MTMR2: variants seen among roughly 807,000 people sequenced by gnomAD.
MTMR2 encodes myotubularin related protein 2, also known as phosphatidylinositol-3,5-bisphosphate 3-phosphatase MTMR2.
A neutral mutation model predicts 86.9 loss-of-function variants in MTMR2; 55 were observed. The observed-to-expected ratio is 0.63, with a 90% CI of 0.51 to 0.79. The LOEUF is 0.79. MTMR2 is among the 30% of genes least tolerant of loss of function. The pLI, the probability that MTMR2 is intolerant of heterozygous loss-of-function variation, is 0.00. For missense variants in MTMR2, 659 were observed against 772.3 expected (o/e 0.85, Z 1.74); for synonymous variants, 241 against 266.8 (o/e 0.90, Z 0.94).
intron 2 of MTMR2, among the ~76,000 whole-genome samples, chr11:95,880,821 GGGTA>G (rs1485188507): frequency 6.6e-5 from 10 of 151,942 alleles, no homozygotes; most frequent in African/African-American, 2.4e-4. Context: ...TTGCATATTT[GGGTA>G]CTAATCTTTT....
At chr11:95,903,591 ACT>A (rs1866152564) in intron 1 of MTMR2, among the ~76,000 whole-genome samples, 1 of 151,802 alleles carries the variant, frequency 6.6e-6, no homozygotes, top group Non-Finnish European at 1.5e-5. Flanking sequence ...TAGTTCATAC[ACT>A]CTCTCATTCT....
chr11:95,915,125 ATGT>A lies in MTMR2; in HGVS notation c.80+8747_80+8749del, dbSNP rs530151583. Among the ~76,000 whole-genome samples, 58 of 152,306 alleles carry A rather than the reference ATGT, an allele frequency of 3.8e-4. No homozygotes were observed. In the East Asian group the frequency reaches 9.4e-3, roughly 25 times the overall value. ...CAATGCCTTTGGTTATGATAAAAGAATGTTGTTATCTAATATTGGTAACAGAGA... is the reference window on the plus strand; with the variant it reads ...CAATGCCTTTGGTTATGATAAAAGAATGTTATCTAATATTGGTAACAGAGA... On this transcript the variant is annotated intron_variant, in intron 1 of 14. Coordinates refer to ENST00000346299, the MANE Select transcript of MTMR2 (RefSeq NM_016156.6).
chr11:95,862,106 A>G lies in MTMR2; in HGVS notation c.358-4T>C. On this transcript the variant is annotated splice_polypyrimidine_tract_variant and splice_region_variant and intron_variant, in intron 4 of 14. Transcript: ENST00000346299. ...CATCTAAAACAAATGGGGGATCCTA[A>G]AGAAGGAAAGAAAAAATAATTAAAA... 9 of 1,585,728 alleles carry G rather than the reference A, an allele frequency of 5.7e-6. No homozygotes were observed. Among genetic ancestry groups the G allele is most frequent in the Non-Finnish European group, 7.8e-6 (9 of 1,157,058 alleles).
At chr11:95,896,264 A>G (rs1184621314) in intron 1 of MTMR2, among the ~76,000 whole-genome samples, 1 of 151,212 alleles carries the variant, frequency 6.6e-6, no homozygotes, top group Non-Finnish European at 1.5e-5. Context: ...ACTTACAACC[A>G]GTCTCTTCTT....
At chr11:95,865,501 G>A (rs559519066) in intron 3 of MTMR2, 100 bp downstream of exon 3, 34 of 1,077,346 alleles carry the variant, frequency 3.2e-5, no homozygotes, top group Admixed American at 2.9e-4. Flanking sequence ...CAGACAGGAG[G>A]TGTCTCTGAC....
chr11:95,856,346 A>G (rs200494287), intron 7 of MTMR2, among the ~76,000 whole-genome samples: 1 of 126,222 alleles, frequency 7.9e-6, no homozygotes, highest in Non-Finnish European at 1.7e-5. Context: ...TTTTTTTTTT[A>G]TTTAAAGGGG....
rs775843199 is a variant in MTMR2, at chr11:95,847,685, T to G, written c.1179+29A>C. Reference sequence around the variant, plus strand: ...ATAAACAAAGGGGTAGAGAGAGTCTTTGTTTGGGATATAGTAACACACACC... The same window carrying G: ...ATAAACAAAGGGGTAGAGAGAGTCTGTGTTTGGGATATAGTAACACACACC... On this transcript the variant is annotated intron_variant, in intron 10 of 14. Transcript: ENST00000346299. The G allele has an allele frequency of 5.1e-6, 8 of 1,558,294 alleles. No individual in the cohort carries two copies. In the African/African-American group the frequency reaches 8.1e-5, roughly 16 times the overall value.
chr11:95,906,881 T>A (rs1394450799), intron 1 of MTMR2, among the ~76,000 whole-genome samples: 3 of 152,088 alleles, frequency 2.0e-5, no homozygotes, highest in African/African-American at 7.2e-5. Flanking sequence ...TAAAGCAGTG[T>A]TAAGAGTTAA....
chr11:95,894,882 A>G (rs1343416312), intron 1 of MTMR2, among the ~76,000 whole-genome samples: 1 of 152,176 alleles, frequency 6.6e-6, no homozygotes, highest in Non-Finnish European at 1.5e-5. Context: ...ATGAGTAAAA[A>G]TCGAATGCTC....
intron 7 of MTMR2, among the ~76,000 whole-genome samples, chr11:95,856,258 G>A (rs1440564688): frequency 6.6e-6 from 1 of 151,560 alleles, no homozygotes; most frequent in East Asian, 1.9e-4. Flanking sequence ...AGGTTGTCCT[G>A]CAAGGAAAAC....
intron 7 of MTMR2, among the ~76,000 whole-genome samples, chr11:95,856,223 G>T (rs890488504): frequency 8.8e-6 from 1 of 113,324 alleles, no homozygotes; most frequent in Non-Finnish European, 1.8e-5. Flanking sequence ...TAAAGGGAGG[G>T]GAACTGGAAT....
At position 95,847,787 on chromosome 11, in the gene MTMR2, A is replaced by G. The variant is rs200083635; in HGVS notation, c.1106T>C (p.Ile369Thr). 9.4e-5 allele frequency: 151 copies of G among 1,613,562 alleles called. No homozygotes were observed. The highest frequency in any genetic ancestry group is 1.5e-5 in the Non-Finnish European group (18 of 1,179,670). Residue 369 changes from isoleucine to threonine, a missense_variant, in exon 10 of 15, where the codon ATT becomes ACT. Physicochemically the swap from Ile to Thr is moderately conservative, Grantham distance 89 (BLOSUM62 -1). Transcript: ENST00000346299. The stretch of plus-strand genomic sequence containing the variant: ...GGTTTCCTCAATGTTGGGGTACACA[A>G]TCTCCTTAAGTTTTCGTAATGATTC... ...MRESLRKLKEIVYPNIEETHW... is the reference protein window; with the variant it reads ...MRESLRKLKETVYPNIEETHW...
intron 5 of MTMR2, among the ~76,000 whole-genome samples, chr11:95,860,975 G>A (rs1482402519): frequency 6.6e-6 from 1 of 151,932 alleles, no homozygotes; most frequent in Admixed American, 6.6e-5. Context: ...GGCTAACATG[G>A]TGAAACCCCA....
chr11:95,873,704 ATCTTTCCACTTTC>A (rs1240585746), intron 2 of MTMR2, among the ~76,000 whole-genome samples: 1 of 151,704 alleles, frequency 6.6e-6, no homozygotes, highest in Non-Finnish European at 1.5e-5. Context: ...TCAATTTTAG[ATCTTTCCACTTTC>A]TCTTGTGGGC....
chr11:95,857,551 C>A lies in MTMR2; in HGVS notation c.654+1G>T. 6.3e-7 allele frequency: 1 copy of A among 1,599,664 alleles called. No homozygotes were observed. The highest frequency in any genetic ancestry group is 8.6e-7 in the Non-Finnish European group (1 of 1,167,176). On this transcript the variant is annotated splice_donor_variant, in intron 7 of 14. Transcript: ENST00000346299. LOFTEE classifies it high-confidence loss of function. ...AAATTGAAAGAGAAGAAAGTACATA[C>A]CTGCCTTCTATACTCTAAAAGAGGG...
intron 2 of MTMR2, among the ~76,000 whole-genome samples, chr11:95,877,332 C>CGTTTT (rs1865157267): frequency 9.4e-6 from 1 of 106,272 alleles, no homozygotes; most frequent in Non-Finnish European, 1.9e-5. Flanking sequence ...CAGGGAAGCC[C>CGTTTT]TTTTTTTTTT....
rs483354 is a variant in MTMR2 at position 95,899,871 on chromosome 11, G to A, written c.81-11610C>T. Among the ~76,000 whole-genome samples, 1,448 of 152,228 alleles carry A rather than the reference G, an allele frequency of 9.5e-3. 24 individuals are homozygous for A. The highest frequency in any genetic ancestry group is 0.034 in the African/African-American group (1,400 of 41,546). ...GCAAGAAAGGTTCAAGCTATGTTCC[G>A]TGAATAAACCTCGATACCATGCTAA... is the stretch of plus-strand genomic sequence containing the variant. On this transcript the variant is annotated intron_variant, in intron 1 of 14. Coordinates refer to ENST00000346299, the MANE Select transcript of MTMR2 (RefSeq NM_016156.6).
chr11:95,876,433 G>T (rs1468445491), intron 2 of MTMR2, among the ~76,000 whole-genome samples: 1 of 152,094 alleles, frequency 6.6e-6, no homozygotes, highest in African/African-American at 2.4e-5. Flanking sequence ...AATACATCAA[G>T]CACTTTCTCT....
chr11:95,838,488 C>T (rs961551271), intron 12 of MTMR2, among the ~76,000 whole-genome samples: 7 of 151,844 alleles, frequency 4.6e-5, no homozygotes, highest in Non-Finnish European at 7.4e-5. Flanking sequence ...CATTCTCTGC[C>T]CAAAATGACC....
Sources: allele counts gnomAD v4.1 joint callset (sites outside exome capture counted in the v4.1 genomes callset), GRCh38; gene constraint gnomAD v4.1.1; transcripts MANE v1.5; gene names NCBI Gene and HGNC (gene_info 2026-07-23, HGNC 2026-07-21).